Variants in STXBP5 observed in about 807,000 individuals in gnomAD.
The protein encoded by STXBP5 is syntaxin-binding protein 5.
A neutral mutation model predicts 152.4 loss-of-function variants in STXBP5; 50 were observed. The ratio of observed to expected loss-of-function variants is 0.33; its 90% CI spans 0.26 to 0.42. The LOEUF (loss-of-function observed/expected upper bound fraction) is 0.42. Among genes scored for constraint, STXBP5 ranks in the 10% least tolerant of loss-of-function variants. STXBP5 has a pLI of 1.00. For missense variants in STXBP5, 1,167 were observed against 1,388.6 expected (o/e 0.84, Z 2.54); for synonymous variants, 492 against 494.7 (o/e 0.99, Z 0.07).
At chr6:147,310,315 G>A in intron 10 of STXBP5, 77 bp downstream of exon 10, 22 of 1,147,274 alleles carry the variant, frequency 1.9e-5, no homozygotes, top group Admixed American at 3.7e-5. Flanking sequence ...AGGTTGTTTA[G>A]ATAAAACTAC....
At chr6:147,345,818 T>G (rs1314273007) in intron 21 of STXBP5, among the ~76,000 whole-genome samples, 1 of 152,166 alleles carries the variant, frequency 6.6e-6, no homozygotes, top group East Asian at 1.9e-4. Flanking sequence ...TCATACATCT[T>G]TTGTTGGTAT....
At chr6:147,250,969 CAA>C (rs887963991) in intron 4 of STXBP5, among the ~76,000 whole-genome samples, 9 of 52,944 alleles carry the variant, frequency 1.7e-4, no homozygotes, top group East Asian at 6.0e-4. Context: ...ACCTTGTCTC[CAA>C]AAAAAAAAAA....
intron 16 of STXBP5, among the ~76,000 whole-genome samples, chr6:147,323,572 AG>A (rs1281506887): frequency 2.0e-5 from 3 of 151,968 alleles, no homozygotes; most frequent in Non-Finnish European, 4.4e-5. Context: ...TTGTATGTTT[AG>A]TAGAGACGGG....
At chr6:147,253,212 C>T (rs926886589) in intron 4 of STXBP5, among the ~76,000 whole-genome samples, 3 of 151,956 alleles carry the variant, frequency 2.0e-5, no homozygotes, top group Admixed American at 6.6e-5. Flanking sequence ...AAAAAAACCA[C>T]GATTATCTCA....
intron 22 of STXBP5, among the ~76,000 whole-genome samples, chr6:147,354,941 G>A (rs183242661): frequency 2.0e-5 from 3 of 152,246 alleles, no homozygotes; most frequent in East Asian, 3.9e-4. Flanking sequence ...ATTGGTCAGG[G>A]AGGCAATGGG....
intron 9 of STXBP5, among the ~76,000 whole-genome samples, chr6:147,308,124 C>T (rs1472755163): frequency 6.6e-6 from 1 of 152,154 alleles, no homozygotes; most frequent in Non-Finnish European, 1.5e-5. Flanking sequence ...GTGTTAGTTC[C>T]CCACTGGTCC....
At chr6:147,281,673 G>C (rs1013396983) in intron 8 of STXBP5, among the ~76,000 whole-genome samples, 1 of 152,160 alleles carries the variant, frequency 6.6e-6, no homozygotes, top group Non-Finnish European at 1.5e-5. Context: ...AACATTTACA[G>C]TATTACCTTG....
rs139952987 is a variant in STXBP5 at position 147,357,222 on chromosome 6, A to G, written c.2306-1862A>G. On this transcript the variant is annotated intron_variant, in intron 22 of 27. Transcript: ENST00000321680. The stretch of plus-strand genomic sequence containing the variant: ...ATATAGGTTGTAGGAATCAGGAGAA[A>G]CTTCAGGAAGTTGACAGTAACTGAA... Among the ~76,000 whole-genome samples the G allele has an allele frequency of 1.1e-3, 169 of 152,206 alleles. 1 individual carries two copies. Among genetic ancestry groups the G allele is most frequent in the African/African-American group, 3.9e-3 (161 of 41,554 alleles).
intron 17 of STXBP5, among the ~76,000 whole-genome samples, 179 bp downstream of exon 17, chr6:147,325,263 T>TTTGGGTATG (rs1173581294): frequency 4.6e-5 from 7 of 152,230 alleles, no homozygotes; most frequent in Admixed American, 3.3e-4. Flanking sequence ...AATAACTTAC[T>TTTGGGTATG]TTGGGTATGC....
chr6:147,266,999 G>A (rs1049397848), intron 6 of STXBP5, 85 bp from the exon 7 acceptor site: 15 of 1,085,216 alleles, frequency 1.4e-5, no homozygotes, highest in Non-Finnish European at 2.1e-5. Context: ...GCATTTGAAT[G>A]ATAGTAGTTA....
intron 9 of STXBP5, among the ~76,000 whole-genome samples, chr6:147,293,736 T>C (rs1582901604): frequency 6.6e-6 from 1 of 152,178 alleles, no homozygotes; most frequent in South Asian, 2.1e-4. Context: ...ATTGGCCAGG[T>C]TAGGTCCTCC....
At chr6:147,232,621 G>A (rs985503823) in intron 2 of STXBP5, among the ~76,000 whole-genome samples, 13 of 151,676 alleles carry the variant, frequency 8.6e-5, no homozygotes, top group Non-Finnish European at 1.5e-4. Flanking sequence ...TCATTTCTCT[G>A]AGCCTTAGAT....
At chr6:147,381,168 A>G (rs1035109526) in intron 26 of STXBP5, among the ~76,000 whole-genome samples, 1 of 152,104 alleles carries the variant, frequency 6.6e-6, no homozygotes, top group Non-Finnish European at 1.5e-5. Context: ...CTGGAGGATT[A>G]TGGGAGCTAC....
intron 4 of STXBP5, among the ~76,000 whole-genome samples, chr6:147,247,554 A>T (rs757424078): frequency 2.6e-5 from 4 of 152,192 alleles, no homozygotes; most frequent in Non-Finnish European, 5.9e-5. Context: ...GATTTGATAA[A>T]CTTGAAACTG....
intron 9 of STXBP5, among the ~76,000 whole-genome samples, chr6:147,295,452 C>G (rs756965340): frequency 7.9e-5 from 12 of 152,268 alleles, no homozygotes; most frequent in East Asian, 3.9e-4. Context: ...CCATCCCCCC[C>G]ACACACGCAC....
Position 147,327,195 on chromosome 6 carries a change from G to A in STXBP5, c.1999G>A (p.Gly667Ser). 6.2e-7 allele frequency: 1 copy of A among 1,614,042 alleles called. No homozygotes were observed. The highest frequency in any genetic ancestry group is 8.5e-7 in the Non-Finnish European group (1 of 1,180,006). ...CCAGAAAGCAGTGCTGCTCAACCTG[G>A]GCACTATTGAATTATATGGCTCTAA... ...YLQKAVLLNL[G>S]TIELYGSNDP... is the part of the protein sequence containing the mutation. Residue 667 changes from glycine (G) to serine (S), a missense_variant, in exon 18 of 28, where the codon GGC becomes AGC. Physicochemically the swap from Gly to Ser is moderately conservative, Grantham distance 56. This residue lies in a region of STXBP5 where 833 missense variants were observed against 986.3 expected (regional missense o/e 0.84). Coordinates refer to ENST00000321680, the MANE Select transcript of STXBP5 (RefSeq NM_001127715.4).
At chr6:147,321,548 G>C (rs1421238400) in intron 16 of STXBP5, among the ~76,000 whole-genome samples, 3 of 152,078 alleles carry the variant, frequency 2.0e-5, no homozygotes, top group African/African-American at 4.8e-5. Flanking sequence ...CTCCAGCCAG[G>C]GTGACAGAGT....
intron 8 of STXBP5, among the ~76,000 whole-genome samples, chr6:147,281,120 G>A (rs1780679231): frequency 6.6e-6 from 1 of 152,124 alleles, no homozygotes; most frequent in Admixed American, 6.6e-5. Context: ...ACAATGGCGC[G>A]ATGTTGGCAC....
chr6:147,278,264 T>G, intron 8 of STXBP5, 60 bp downstream of exon 8: 1 of 1,428,082 alleles, frequency 7.0e-7, no homozygotes, highest in Non-Finnish European at 9.4e-7. Context: ...CTGTTTTGTT[T>G]GAGTTTGCAT....
Sources: allele counts gnomAD v4.1 joint callset (sites outside exome capture counted in the v4.1 genomes callset), GRCh38; gene constraint gnomAD v4.1.1; regional missense constraint gnomAD v4.1.1; transcripts MANE v1.5; gene names NCBI Gene and HGNC (gene_info 2026-07-23, HGNC 2026-07-21).